The following MIB2 variants were observed in gnomAD, a reference collection of about 807,000 sequenced individuals.
The protein encoded by MIB2 is MIB E3 ubiquitin protein ligase 2.
A neutral mutation model predicts 96.6 loss-of-function variants in MIB2; 78 were observed. The observed-to-expected ratio is 0.81, with a 90% CI of 0.67 to 0.97. MIB2 has a LOEUF of 0.97. Among genes scored for constraint, MIB2 ranks in the 50% least tolerant of loss-of-function variants. The pLI is 0.00. For missense variants in MIB2, 1,543 were observed against 1,424.0 expected (o/e 1.08, Z -1.35); for synonymous variants, 820 against 629.5 (o/e 1.30, Z -4.53).
At chr1:1,628,780 T>TG (rs1277398460) in intron 16 of MIB2, 58 bp downstream of exon 16, 1 of 1,364,862 alleles carries the variant, frequency 7.3e-7, no homozygotes, top group African/African-American at 1.4e-5. Context: ...CAGCAGGCTC[T>TG]GGGCAGGGCC....
chr1:1,630,584 T>C lies in MIB2; in HGVS notation c.*54T>C. On this transcript the variant is annotated 3_prime_UTR_variant, in exon 20 of 20. Transcript: ENST00000355826. ...CTTCGCGTGCCCCCGCCCTGTGTTT[T>C]ATAAAAAGAAAGATTCTCGGACGTT... The C allele has an allele frequency of 7.3e-7, 1 of 1,373,306 alleles. No homozygotes were observed. Among genetic ancestry groups the C allele is most frequent in the Non-Finnish European group, 9.7e-7 (1 of 1,035,910 alleles). The allele number at this position is 1,373,306 out of a possible 1,614,324, so 85.1% of individuals were successfully genotyped here.
Position 1,629,478 on chromosome 1 carries a change from G to C in MIB2, c.2475G>C (p.Pro825=). ...TVTNLHVGAA[P]GPEAAECLVC... is the part of the protein sequence containing the mutation. The stretch of plus-strand genomic sequence containing the variant: ...CGAACCTGCACGTGGGCGCCGCGCC[G>C]GGGCCCGAGGCCGCTGAGTGCCTGG... Residue 825 remains proline (P), a synonymous_variant, in exon 18 of 20, where the codon CCG becomes CCC. Coordinates refer to ENST00000355826, the MANE Select transcript of MIB2 (RefSeq NM_001170687.4). The C allele has an allele frequency of 6.6e-7, 1 of 1,519,200 alleles. No individual in the cohort carries two copies. Among genetic ancestry groups the C allele is most frequent in the Non-Finnish European group, 8.8e-7 (1 of 1,137,358 alleles). The allele number at this position is 1,519,200 out of a possible 1,614,324, so 94.1% of individuals were successfully genotyped here.
In MIB2 at chr1:1,630,464, C is replaced by A; in HGVS notation, c.2802C>A (p.Gly934=). 6.3e-7 allele frequency: 1 copy of A among 1,593,870 alleles called. No homozygotes were observed. The highest frequency in any genetic ancestry group is 8.5e-7 in the Non-Finnish European group (1 of 1,173,866). The change falls in exon 20 of 20, where the codon GGC becomes GGA. Residue 934 remains glycine (G), a synonymous_variant. Transcript: ENST00000355826. ...QCGHGACAPC[G]SALSACPICR... is the part of the protein sequence containing the mutation. The stretch of plus-strand genomic sequence containing the variant: ...GCCACGGCGCATGCGCCCCCTGCGG[C>A]TCCGCGCTCAGCGCCTGCCCCATCT...
chr1:1,623,958 C>T lies in MIB2; in HGVS notation c.419+13C>T, dbSNP rs1644501107. 4 of 1,596,148 alleles carry T rather than the reference C, an allele frequency of 2.5e-6. No individual in the cohort carries two copies. The African/African-American group carries it at 5.4e-5, about 21-fold the overall frequency. On this transcript the variant is annotated intron_variant, in intron 4 of 19. Coordinates refer to ENST00000355826, the MANE Select transcript of MIB2 (RefSeq NM_001170687.4). ...CTCACTCGCGCCCGTGAGTCCCGGGCCGCACCGGCTCCTGTGCGGCGGGTA... is the reference window on the plus strand; with the variant it reads ...CTCACTCGCGCCCGTGAGTCCCGGGTCGCACCGGCTCCTGTGCGGCGGGTA...
At chr1:1,627,584 G>T in intron 12 of MIB2, 89 bp from the exon 13 acceptor site, 1 of 1,500,430 alleles carries the variant, frequency 6.7e-7, no homozygotes, top group Non-Finnish European at 8.8e-7. Flanking sequence ...CTGAGCCTGT[G>T]CGTCCTGGGG....
upstream of MIB2, chr1:1,614,711 A>C (rs1198686127): frequency 1.3e-5 from 2 of 152,274 alleles, no homozygotes; most frequent in Non-Finnish European, 2.9e-5. Context: ...GGAAGTACGC[A>C]ATGTCTACAA....
rs763299447 is a variant in MIB2, at chr1:1,616,614, G to A, written c.-23G>A. 6.3e-7 allele frequency: 1 copy of A among 1,589,008 alleles called. No individual in the cohort carries two copies. Among genetic ancestry groups the A allele is most frequent in the South Asian group, 1.1e-5 (1 of 87,956 alleles). ...CGGCGGGCGACTGGACGGCCGGACA[G>A]GTGAGCTCTTGATCGTCCGCGGCCT... On this transcript the variant is annotated splice_region_variant and 5_prime_UTR_variant, in exon 2 of 20. Transcript: ENST00000355826.
At chr1:1,621,320 G>A (rs1275112783) in intron 2 of MIB2, among the ~76,000 whole-genome samples, 3 of 152,250 alleles carry the variant, frequency 2.0e-5, no homozygotes, top group South Asian at 2.1e-4. Flanking sequence ...TGTGGAAGCC[G>A]CTCATGCGGA....
At chr1:1,620,158 T>C (rs1039313099) in intron 2 of MIB2, among the ~76,000 whole-genome samples, 2 of 152,240 alleles carry the variant, frequency 1.3e-5, no homozygotes, top group Non-Finnish European at 2.9e-5. Flanking sequence ...CCCTGTCTTT[T>C]TGGAAAGGTC....
chr1:1,626,337 C>T lies in MIB2; in HGVS notation c.973-313C>T. The T allele has an allele frequency of 2.4e-6, 1 of 423,718 alleles. No individual in the cohort carries two copies. The highest frequency in any genetic ancestry group is 4.2e-6 in the Non-Finnish European group (1 of 237,730). The allele number at this position is 423,718 out of a possible 1,614,324, so 26.2% of individuals were successfully genotyped here. ...CCCCACGCTGGCTCACGGGCCCTGG[C>T]CATGTTGCCTGCTGCTGGTCAGCGT... On this transcript the variant is annotated intron_variant, in intron 8 of 19. Transcript: ENST00000355826. The surrounding 1 kb of genome is among the most constrained non-coding windows in gnomAD (Gnocchi z 5.3).
In MIB2 at chr1:1,624,987, C is replaced by T; in HGVS notation, c.527-4C>T. The T allele has an allele frequency of 1.2e-6, 2 of 1,610,020 alleles. No homozygotes were observed. The highest frequency in any genetic ancestry group is 1.7e-6 in the Non-Finnish European group (2 of 1,177,988). On this transcript the variant is annotated splice_region_variant and splice_polypyrimidine_tract_variant and intron_variant, in intron 5 of 19. Coordinates refer to ENST00000355826, the MANE Select transcript of MIB2 (RefSeq NM_001170687.4). ...TAGCCTGCTGGGGGGGCCTCTTTCC[C>T]CAGGAGGGGAAGGGAAACCGGGCCG...
rs1269458534 is a variant in MIB2 at position 1,625,635 on chromosome 1, C to T, written c.954C>T (p.His318=). 7 of 1,562,898 alleles carry T rather than the reference C, an allele frequency of 4.5e-6. No individual in the cohort carries two copies. The East Asian group carries it at 1.7e-4, about 37-fold the overall frequency. Residue 318 remains histidine (H), a synonymous_variant, in exon 8 of 20, where the codon CAC becomes CAT. Transcript: ENST00000355826. This position sits in a 1 kb window ranked among gnomAD's most constrained non-coding sequence, Gnocchi z 5.0. ...QFNHETRWTF[H]PGALTKHHSF... ...ACCACGAGACGCGCTGGACCTTCCA[C>T]CCCGGGGCGCTCACCAAGGTGCCGG... is the stretch of plus-strand genomic sequence containing the variant.
chr1:1,625,694 G>C lies in MIB2; in HGVS notation c.972+41G>C. On this transcript the variant is annotated intron_variant, in intron 8 of 19. Transcript: ENST00000355826. The surrounding 1 kb of genome is among the most constrained non-coding windows in gnomAD (Gnocchi z 5.0). ...GGCTGCGCCTCATCTGCTTGCTTCT[G>C]TAACCCCTTCCACGTACCCCCTTGG... is the stretch of plus-strand genomic sequence containing the variant. 6.6e-7 allele frequency: 1 copy of C among 1,506,062 alleles called. No homozygotes were observed. The highest frequency in any genetic ancestry group is 9.0e-7 in the Non-Finnish European group (1 of 1,108,638). The allele number at this position is 1,506,062 out of a possible 1,614,324, so 93.3% of individuals were successfully genotyped here. A position where few individuals can be genotyped will look rare whatever the true frequency, so the allele number is the denominator to read the frequency against.
Position 1,623,583 on chromosome 1 carries a change from G to C in MIB2, c.131G>C (p.Ser44Thr). The C allele has an allele frequency of 6.6e-7, 1 of 1,513,266 alleles. No individual in the cohort carries two copies. Among genetic ancestry groups the C allele is most frequent in the South Asian group, 1.3e-5 (1 of 79,192 alleles). The allele number at this position is 1,513,266 out of a possible 1,614,324, so 93.7% of individuals were successfully genotyped here. ...GTVVELGRHG[S>T]PSTPDRTVVV... ...GTGGTGGAGCTTGGCCGCCACGGCA[G>C]CCCCTCGACACCCGACCGCACAGTG... Residue 44 changes from serine (S) to threonine (T), a missense_variant, in exon 3 of 20, where the codon AGC becomes ACC. Physicochemically the swap from Ser to Thr is moderately conservative, Grantham distance 58. Transcript: ENST00000355826.
intron 2 of MIB2, among the ~76,000 whole-genome samples, chr1:1,622,520 G>T (rs1343678364): frequency 6.6e-6 from 1 of 152,190 alleles, no homozygotes; most frequent in Non-Finnish European, 1.5e-5. Context: ...CGGCAGCCTG[G>T]ATTTGCACCT....
Position 1,630,426 on chromosome 1 carries a change from G to C in MIB2, c.2764G>C (p.Val922Leu). Reference sequence around the variant, plus strand: ...CTGCATCGACAGCCACATCCGCCTCGTGTTCCAGTGCGGCCACGGCGCATG... The same window carrying C: ...CTGCATCGACAGCCACATCCGCCTCCTGTTCCAGTGCGGCCACGGCGCATG... ...PICIDSHIRLVFQCGHGACAP... is the reference protein window; with the variant it reads ...PICIDSHIRLLFQCGHGACAP... Residue 922 changes from valine (V) to leucine (L), a missense_variant, in exon 20 of 20, where the codon GTG (valine) becomes CTG (leucine). Physicochemically the swap from Val to Leu is conservative, Grantham distance 32 (BLOSUM62 1). Transcript: ENST00000355826. The C allele has an allele frequency of 6.3e-7, 1 of 1,586,544 alleles. No homozygotes were observed. Among genetic ancestry groups the C allele is most frequent in the South Asian group, 1.1e-5 (1 of 87,876 alleles).
chr1:1,621,043 G>A (rs1038119324), intron 2 of MIB2, among the ~76,000 whole-genome samples: 5 of 152,274 alleles, frequency 3.3e-5, no homozygotes, highest in African/African-American at 9.6e-5. Flanking sequence ...GGACACAGGG[G>A]CTGCCGCTGT....
chr1:1,628,301 C>T lies in MIB2; in HGVS notation c.1870C>T (p.Arg624Trp), dbSNP rs760004927. ...LAVRKILARA[R>W]QLVDAKKEDG... ...TGTGAGAAAGATTCTGGCTCGGGCG[C>T]GGCAGCTGGTGGACGCCAAGAAGGA... Residue 624 changes from arginine (R) to tryptophan (W), a missense_variant, in exon 15 of 20, where the codon CGG becomes TGG. Coordinates refer to ENST00000355826, the MANE Select transcript of MIB2 (RefSeq NM_001170687.4). The T allele has an allele frequency of 1.6e-5, 26 of 1,612,852 alleles. No individual in the cohort carries two copies. Among genetic ancestry groups the T allele is most frequent in the African/African-American group, 9.3e-5 (7 of 74,942 alleles).
Position 1,628,083 on chromosome 1 carries a change from T to G in MIB2, c.1745T>G (p.Val582Gly), listed in dbSNP as rs762354769. The change falls in exon 14 of 20, where the codon GTC becomes GGC. Residue 582 changes from valine (V) to glycine (G), a missense_variant. Transcript: ENST00000355826. The stretch of plus-strand genomic sequence containing the variant: ...GCGGGCACTGGAGCCAGCGGCATTG[T>G]CGAGGTCCTCACGGAGGTGCCAAAC... ...ISAGTGASGI[V>G]EVLTEVPNID... 6.2e-7 allele frequency: 1 copy of G among 1,613,120 alleles called. No individual in the cohort carries two copies. The highest frequency in any genetic ancestry group is 1.3e-5 in the African/African-American group (1 of 74,932).
Sources: gnomAD v4.1 joint callset for allele counts (sites outside exome capture counted in the v4.1 genomes callset) on GRCh38, gnomAD v4.1.1 for gene constraint, Gnocchi (gnomAD v3.1) non-coding constraint, MANE v1.5 for transcripts, NCBI Gene and HGNC (gene_info 2026-07-23, HGNC 2026-07-21) for gene names.